REPS2: variants seen among roughly 807,000 people sequenced by gnomAD.
REPS2 encodes RALBP1 associated Eps domain containing 2, also known as ralBP1-associated Eps domain-containing protein 2.
REPS2 carries 23 observed loss-of-function variants against 53.6 expected under a neutral mutation model. The ratio of observed to expected loss-of-function variants is 0.43; its 90% CI spans 0.31 to 0.61. The LOEUF is 0.61. REPS2 is among the 20% of genes least tolerant of loss of function. REPS2 has a pLI of 0.11. For missense variants in REPS2, 446 were observed against 534.9 expected, an observed-to-expected ratio of 0.83 and a Z score of 1.64; for synonymous variants, 238 against 218.6, an observed-to-expected ratio of 1.09 and a Z score of -0.78.
At chrX:16,974,543 G>T (rs999934083) in intron 1 of REPS2, among the ~76,000 whole-genome samples, 1 of 110,353 alleles carries the variant, frequency 9.1e-6, no homozygotes, top group African/African-American at 3.3e-5. Flanking sequence ...TACTCAGGAG[G>T]CTGAGGCAAG....
intron 17 of REPS2, among the ~76,000 whole-genome samples, chrX:17,147,031 A>G (rs1360530966): frequency 8.9e-6 from 1 of 111,812 alleles, no homozygotes; most frequent in Non-Finnish European, 1.9e-5. Flanking sequence ...TAGAAATTTA[A>G]GTCCTGTTGG....
the REPS2 span, among the ~76,000 whole-genome samples, chrX:17,190,237 C>G: frequency 3.9e-4 from 44 of 111,854 alleles, no homozygotes; most frequent in African/African-American, 1.2e-3. Flanking sequence ...TGTGGAAAAT[C>G]CTAAAGAATC....
chrX:16,951,538 CACACACACACACACACACACA>C lies in REPS2; in HGVS notation c.273+4405_273+4425del, dbSNP rs1422084724. On this transcript the variant is annotated intron_variant, in intron 1 of 17. Coordinates refer to ENST00000357277, the MANE Select transcript of REPS2 (RefSeq NM_004726.3). ...ACACACACACACACACACACACACACACACACACACACACACACACACCCCCGCTACCTACCTCTCTCTGGG... is the reference window on the plus strand; with the variant it reads ...ACACACACACACACACACACACACACCCCCCGCTACCTACCTCTCTCTGGG... Among the ~76,000 whole-genome samples, 7 of 55,301 alleles carry C rather than the reference CACACACACACACACACACACA, an allele frequency of 1.3e-4. No homozygotes were observed. The East Asian group carries it at 0.012, about 92-fold the overall frequency. The allele number at this position is 55,301 out of a possible 115,157, so 48.0% of individuals were successfully genotyped here. A position where few individuals can be genotyped will look rare whatever the true frequency, so the allele number is the denominator to read the frequency against.
intron 5 of REPS2, among the ~76,000 whole-genome samples, chrX:17,043,507 C>T (rs951315889): frequency 7.0e-4 from 4 of 5,718 alleles, no homozygotes; most frequent in Non-Finnish European, 1.2e-3. Flanking sequence ...CTTTCTTGCC[C>T]CCCCCCCCGG....
chrX:17,077,331 G>A lies in REPS2; in HGVS notation c.1440G>A (p.Pro480=), dbSNP rs777394439. Residue 480 remains proline (P), a synonymous_variant, in exon 13 of 18, where the codon CCG becomes CCA. Transcript: ENST00000357277. ...AAAGGGGCGAGGACCCTCCCACCCC[G>A]CCACCTCGGCCACAGAAAACCCATT... ...AMKRGEDPPT[P]PPRPQKTHSR... is the part of the protein sequence containing the mutation. The A allele has an allele frequency of 3.5e-5, 42 of 1,207,075 alleles. No homozygotes were observed. The highest frequency in any genetic ancestry group is 2.3e-4 in the Middle Eastern group (1 of 4,337).
chrX:17,183,522 A>G, the REPS2 span, among the ~76,000 whole-genome samples: 1 of 112,390 alleles, frequency 8.9e-6, no homozygotes, highest in Non-Finnish European at 1.9e-5. Flanking sequence ...AAGCCAGCAT[A>G]TGTGCTGTAT....
At chrX:16,983,625 C>G (rs1348975878) in intron 1 of REPS2, among the ~76,000 whole-genome samples, 4 of 112,430 alleles carry the variant, frequency 3.6e-5, no homozygotes, top group African/African-American at 1.3e-4. Flanking sequence ...GCCTCAGCCT[C>G]CTGAGTAGCT....
rs146839421 is a variant in REPS2, at chrX:17,025,603, C to T, written c.673+418C>T. ...AACTGCAAAAGCAAAAGAGTTGATC[C>T]AACCTTTGAAGACTGAGCACGTAAA... On this transcript the variant is annotated intron_variant, in intron 4 of 17. Coordinates refer to ENST00000357277, the MANE Select transcript of REPS2 (RefSeq NM_004726.3). Among the ~76,000 whole-genome samples the T allele has an allele frequency of 5.0e-3, 555 of 111,925 alleles. 5 individuals carry two copies. The highest frequency in any genetic ancestry group is 0.017 in the African/African-American group (510 of 30,801).
At chrX:17,036,571 AC>A (rs1356733943) in intron 5 of REPS2, among the ~76,000 whole-genome samples, 1 of 111,227 alleles carries the variant, frequency 9.0e-6, no homozygotes, top group Non-Finnish European at 1.9e-5. Flanking sequence ...GAGGTTATGG[AC>A]CCCAGCTGCT....
chrX:17,191,464 T>G, the REPS2 span, among the ~76,000 whole-genome samples: 13 of 112,624 alleles, frequency 1.2e-4, no homozygotes, highest in African/African-American at 3.5e-4. Flanking sequence ...GTACAACAAT[T>G]GGAGCTCTCA....
At chrX:17,066,545 A>G (rs906358347) in intron 9 of REPS2, among the ~76,000 whole-genome samples, 2 of 112,571 alleles carry the variant, frequency 1.8e-5, no homozygotes, top group Admixed American at 9.4e-5. Flanking sequence ...CTGTTATGAT[A>G]CATTGTCTGT....
intron 6 of REPS2, among the ~76,000 whole-genome samples, chrX:17,048,614 A>G (rs2061939158): frequency 1.8e-5 from 2 of 112,267 alleles, no homozygotes; most frequent in African/African-American, 6.5e-5. Context: ...TCTCTTACCT[A>G]CAGTTAACAC....
rs1049263136 is a variant in REPS2, at chrX:17,150,916, T to G, written c.*3435T>G. 1.4e-4 allele frequency: 16 copies of G among 112,442 alleles called. No homozygotes were observed. The highest frequency in any genetic ancestry group is 4.9e-4 in the African/African-American group (15 of 30,875). 9.3% of individuals were successfully genotyped at this position (112,442 alleles called of 1,213,427 possible). On this transcript the variant is annotated 3_prime_UTR_variant, in exon 18 of 18. Transcript: ENST00000357277. ...TGTTGAATTTCATTGACTTAATTAG[T>G]CTTTAAATTTGAAAACATGTTTTAG... is the stretch of plus-strand genomic sequence containing the variant.
intron 14 of REPS2, among the ~76,000 whole-genome samples, chrX:17,111,211 C>T (rs1569182840): frequency 1.8e-5 from 2 of 111,307 alleles, no homozygotes; most frequent in African/African-American, 6.5e-5. Flanking sequence ...ATTAAAACTC[C>T]GTGAATAAAC....
Position 17,148,127 on chromosome X carries a change from G to A in REPS2, c.*646G>A, listed in dbSNP as rs2063534258. On this transcript the variant is annotated 3_prime_UTR_variant, in exon 18 of 18. Transcript: ENST00000357277. ...CTATTGAATGTCAAAGACTTACTGG[G>A]TCTTTACACCTCTGTAAAGTGGAGG... 1 of 112,340 alleles carries A rather than the reference G, an allele frequency of 8.9e-6. No individual in the cohort carries two copies. Among genetic ancestry groups the A allele is most frequent in the Non-Finnish European group, 1.9e-5 (1 of 53,236 alleles). 9.3% of individuals were successfully genotyped at this position (112,340 alleles called of 1,213,427 possible). A position where few individuals can be genotyped will look rare whatever the true frequency, so the allele number is the denominator to read the frequency against.
the REPS2 span, among the ~76,000 whole-genome samples, chrX:17,176,616 A>G: frequency 8.9e-6 from 1 of 112,487 alleles, no homozygotes; most frequent in Admixed American, 9.4e-5. Context: ...CCTCTCCAGA[A>G]ACCCATCCTA....
intron 14 of REPS2, among the ~76,000 whole-genome samples, chrX:17,129,958 C>T (rs1180469138): frequency 3.6e-5 from 4 of 111,803 alleles, no homozygotes; most frequent in Non-Finnish European, 7.5e-5. Flanking sequence ...TTGCTGCATA[C>T]CTGTGGTCCC....
intron 1 of REPS2, among the ~76,000 whole-genome samples, chrX:16,976,811 C>T (rs764185367): frequency 1.4e-4 from 16 of 111,830 alleles, no homozygotes. Context: ...GAATAAATTA[C>T]AGGTTCAAAA....
chrX:17,104,501 T>C (rs1423663435), intron 14 of REPS2, among the ~76,000 whole-genome samples: 1 of 111,630 alleles, frequency 9.0e-6, no homozygotes, highest in East Asian at 2.8e-4. Flanking sequence ...GGCAGAAAAT[T>C]TTGGGAAATT....
Sources: gnomAD v4.1 joint callset for allele counts (sites outside exome capture counted in the v4.1 genomes callset) on GRCh38, gnomAD v4.1.1 for gene constraint, MANE v1.5 for transcripts, NCBI Gene and HGNC (gene_info 2026-07-23, HGNC 2026-07-21) for gene names.